Variants in ADCY7 observed in about 807,000 individuals in gnomAD.
The protein encoded by ADCY7 is adenylate cyclase type 7.
A neutral mutation model predicts 120.6 loss-of-function variants in ADCY7; 72 were observed. That is an observed-to-expected ratio of 0.60 (90% CI 0.49 to 0.73). ADCY7 has a LOEUF of 0.73. Ranked by LOEUF, ADCY7 falls within the 30% of genes least tolerant of loss-of-function variation. ADCY7 has a pLI of 0.00. For synonymous variants in ADCY7, 661 were observed against 628.0 expected, an observed-to-expected ratio of 1.05 and a Z score of -0.78; for missense variants, 1,227 against 1,486.0, an observed-to-expected ratio of 0.83 and a Z score of 2.87.
upstream of ADCY7, among the ~76,000 whole-genome samples, chr16:50,264,619 T>C (rs546063663): frequency 4.6e-5 from 7 of 152,300 alleles, no homozygotes; most frequent in South Asian, 1.0e-3. Context: ...CTCCTCCTTG[T>C]CAACACTTGG....
intron 1 of ADCY7, among the ~76,000 whole-genome samples, chr16:50,250,763 T>C (rs2032735081): frequency 6.7e-6 from 1 of 148,938 alleles, no homozygotes; most frequent in African/African-American, 2.6e-5. Flanking sequence ...CTGATAACTG[T>C]TTATATGAGC....
intron 21 of ADCY7, among the ~76,000 whole-genome samples, 154 bp downstream of exon 21, chr16:50,312,345 T>C (rs2036534531): frequency 6.6e-6 from 1 of 152,174 alleles, no homozygotes; most frequent in Admixed American, 6.5e-5. Flanking sequence ...TGGCATCAGC[T>C]GTGAGAGCAT....
chr16:50,299,831 T>G (rs1433928758), intron 8 of ADCY7, among the ~76,000 whole-genome samples: 1 of 152,178 alleles, frequency 6.6e-6, no homozygotes, highest in African/African-American at 2.4e-5. Context: ...CCCAGCCTTG[T>G]TGGTGGACAC....
chr16:50,311,549 A>G (rs2036460135), intron 19 of ADCY7, 144 bp from the exon 20 acceptor site: 1 of 658,314 alleles, frequency 1.5e-6, no homozygotes, highest in Non-Finnish European at 2.8e-6. Context: ...CCTTTATAAT[A>G]CCCCAAAGTT....
At chr16:50,270,229 A>AG (rs56244406) in intron 1 of ADCY7, among the ~76,000 whole-genome samples, 1 of 150,298 alleles carries the variant, frequency 6.7e-6, no homozygotes, top group Non-Finnish European at 1.5e-5. Context: ...ATAGATAGAT[A>AG]AACAGATAGA....
chr16:50,316,870 C>G lies in ADCY7; in HGVS notation c.*1365C>G, dbSNP rs2036824199. ...CCAGGATTTCTAATGCACTCAGTTT[C>G]CCTACATAGCAGGGATTCTTAGCTA... On this transcript the variant is annotated 3_prime_UTR_variant, in exon 26 of 26. Transcript: ENST00000673801. The G allele has an allele frequency of 6.6e-6, 1 of 152,366 alleles. No homozygotes were observed. Among genetic ancestry groups the G allele is most frequent in the Admixed American group, 6.5e-5 (1 of 15,288 alleles). 9.4% of individuals were successfully genotyped at this position (152,366 alleles called of 1,614,324 possible). A position where few individuals can be genotyped will look rare whatever the true frequency, so the allele number is the denominator to read the frequency against.
chr16:50,267,447 G>A (rs1400510448), intron 1 of ADCY7, among the ~76,000 whole-genome samples: 1 of 152,240 alleles, frequency 6.6e-6, no homozygotes, highest in East Asian at 1.9e-4. Context: ...GGGAAGCCAA[G>A]GGCCTGGAGG....
chr16:50,291,402 C>T (rs1018038218), intron 3 of ADCY7, among the ~76,000 whole-genome samples: 9 of 152,124 alleles, frequency 5.9e-5, no homozygotes, highest in Non-Finnish European at 1.2e-4. Flanking sequence ...TGAGAGGGTG[C>T]CTCAGCCTCC....
intron 1 of ADCY7, among the ~76,000 whole-genome samples, chr16:50,246,377 C>G (rs2032587164): frequency 6.6e-6 from 1 of 152,032 alleles, no homozygotes; most frequent in Non-Finnish European, 1.5e-5. Context: ...GGCTCCTGCC[C>G]GGGTGGGTCG....
chr16:50,257,122 G>A (rs2032937906), intron 1 of ADCY7, among the ~76,000 whole-genome samples: 2 of 152,196 alleles, frequency 1.3e-5, no homozygotes, highest in African/African-American at 2.4e-5. Context: ...GCTCATGCCT[G>A]TCATCTCAGC....
intron 1 of ADCY7, among the ~76,000 whole-genome samples, chr16:50,282,325 T>C (rs1567545308): frequency 6.6e-6 from 1 of 152,246 alleles, no homozygotes. Context: ...CCCAGGGACC[T>C]GGCCCTGCAG....
chr16:50,314,065 A>C lies in ADCY7; in HGVS notation c.2856+3A>C. 1 of 1,612,952 alleles carries C rather than the reference A, an allele frequency of 6.2e-7. No homozygotes were observed. Among genetic ancestry groups the C allele is most frequent in the Non-Finnish European group, 8.5e-7 (1 of 1,179,072 alleles). Reference sequence around the variant, plus strand: ...TCGCCTCAGGGCACGAGAACCAGGTACTCAAGCCCAAGAGGTGAAATTCAG... The same window carrying C: ...TCGCCTCAGGGCACGAGAACCAGGTCCTCAAGCCCAAGAGGTGAAATTCAG... On this transcript the variant is annotated splice_donor_region_variant and intron_variant, in intron 23 of 25. Transcript: ENST00000673801.
At chr16:50,265,175 C>CCTCATATATATATATAT (rs2033165515), upstream of ADCY7, among the ~76,000 whole-genome samples, 1 of 152,200 alleles carries the variant, frequency 6.6e-6, no homozygotes, top group Non-Finnish European at 1.5e-5. Context: ...AGTCTTTTGT[C>CCTCATATATATATATAT]AGTCATATAG....
rs2036666568 is a variant in ADCY7 at position 50,314,328 on chromosome 16, G to A, written c.2893G>A (p.Val965Met). The change falls in exon 24 of 26, where the codon GTG (valine) becomes ATG (methionine). Residue 965 changes from valine to methionine, a missense_variant. Val to Met is a conservative substitution (Grantham distance 21). Around this residue, in one of 5 missense-constraint regions of ADCY7, gnomAD observed 244 missense variants for 332.8 expected, o/e 0.73. Coordinates refer to ENST00000673801, the MANE Select transcript of ADCY7 (RefSeq NM_001114.5). ...ERQHAHIGVM[V>M]EFSIALMSKL... ...GCAGCATGCCCACATTGGTGTCATG[G>A]TGGAGTTCAGCATCGCCCTGATGAG... is the stretch of plus-strand genomic sequence containing the variant. The A allele has an allele frequency of 1.2e-6, 2 of 1,614,082 alleles. No homozygotes were observed. Among genetic ancestry groups the A allele is most frequent in the African/African-American group, 1.3e-5 (1 of 74,936 alleles).
In ADCY7 at chr16:50,291,742, T is replaced by A. The variant is rs138162056; in HGVS notation, c.382T>A (p.Phe128Ile). 6.5e-4 allele frequency: 1,042 copies of A among 1,613,964 alleles called. 1 individual carries two copies. The highest frequency in any genetic ancestry group is 8.6e-4 in the Non-Finnish European group (1,014 of 1,179,994). ...CACCAGGCTGCATCCACAGGTGCCC[T>A]TCTTCCTGTTCATTGTCTTCGTGGT... is the stretch of plus-strand genomic sequence containing the variant. ...KAACAWEQVP[F>I]FLFIVFVVYT... Residue 128 changes from phenylalanine (F) to isoleucine (I), a missense_variant, in exon 4 of 26, where the codon TTC (phenylalanine) becomes ATC (isoleucine). Around this residue, in one of 5 missense-constraint regions of ADCY7, gnomAD observed 382 missense variants for 411.4 expected, o/e 0.93. Coordinates refer to ENST00000673801, the MANE Select transcript of ADCY7 (RefSeq NM_001114.5).
At chr16:50,311,471 T>C (rs1377102467) in intron 19 of ADCY7, among the ~76,000 whole-genome samples, 1 of 152,166 alleles carries the variant, frequency 6.6e-6, no homozygotes, top group South Asian at 2.1e-4. Context: ...TTCTGGTCAT[T>C]CAGGGGTGAG....
At chr16:50,266,335 G>C (rs1219274040), upstream of ADCY7, among the ~76,000 whole-genome samples, 1 of 152,180 alleles carries the variant, frequency 6.6e-6, no homozygotes, top group African/African-American at 2.4e-5. Context: ...TTTCAAAATT[G>C]TTCCAGCTTC....
chr16:50,253,976 T>C (rs2032837042), intron 1 of ADCY7, among the ~76,000 whole-genome samples: 1 of 152,160 alleles, frequency 6.6e-6, no homozygotes, highest in Non-Finnish European at 1.5e-5. Flanking sequence ...TCTGTCTCTG[T>C]CTCTCTCTGT....
chr16:50,272,056 C>A (rs1430949629), intron 1 of ADCY7, among the ~76,000 whole-genome samples: 2 of 152,180 alleles, frequency 1.3e-5, no homozygotes, highest in African/African-American at 4.8e-5. Context: ...TGCAGGTACC[C>A]CCGTTTCCAG....
Sources: gnomAD v4.1 joint callset for allele counts (sites outside exome capture counted in the v4.1 genomes callset) on GRCh38, gnomAD v4.1.1 for gene constraint, gnomAD v4.1.1 regional missense constraint, MANE v1.5 for transcripts, NCBI Gene and HGNC (gene_info 2026-07-23, HGNC 2026-07-21) for gene names.